Variants in TC2N observed in about 807,000 individuals in gnomAD.
The protein encoded by TC2N is tandem C2 domains, nuclear, also known as tandem C2 domains nuclear protein.
In TC2N, 51 loss-of-function variants were observed where a neutral mutation model predicts 61.9. The ratio of observed to expected loss-of-function variants is 0.82; its 90% confidence interval spans 0.66 to 1.04. TC2N has a LOEUF of 1.04. Ranked by LOEUF, TC2N falls within the 50% of genes least tolerant of loss-of-function variation. The probability of loss-of-function intolerance (pLI) is 0.00; values close to 1 mark genes in which losing one functional copy is unlikely to be tolerated. For missense variants in TC2N, 556 were observed against 566.7 expected, an observed-to-expected ratio of 0.98 and a Z score of 0.19; for synonymous variants, 204 against 192.6, an observed-to-expected ratio of 1.06 and a Z score of -0.49.
At chr14:91,844,861 T>C (rs1322631939) in intron 1 of TC2N, among the ~76,000 whole-genome samples, 2 of 148,908 alleles carry the variant, frequency 1.3e-5, no homozygotes, top group Non-Finnish European at 1.5e-5. Context: ...TACATCAACA[T>C]ACTTGGGGAT....
At chr14:91,831,774 A>T (rs1479317105) in intron 1 of TC2N, among the ~76,000 whole-genome samples, 1 of 152,212 alleles carries the variant, frequency 6.6e-6, no homozygotes. Flanking sequence ...TCTTTTTTAG[A>T]GTAGTTTTAG....
chr14:91,829,021 A>G (rs756220649), intron 1 of TC2N, among the ~76,000 whole-genome samples: 47 of 152,016 alleles, frequency 3.1e-4, no homozygotes, highest in Non-Finnish European at 6.6e-4. Flanking sequence ...GTTATAAAGA[A>G]GGCAGCTGCT....
At chr14:91,802,129 A>G in intron 4 of TC2N, 125 bp downstream of exon 4, 1 of 785,164 alleles carries the variant, frequency 1.3e-6, no homozygotes, top group Non-Finnish European at 1.8e-6. Context: ...CACATTTATG[A>G]AGCTTGTTTT....
intron 1 of TC2N, among the ~76,000 whole-genome samples, chr14:91,852,574 C>T (rs1396635079): frequency 6.6e-6 from 1 of 152,192 alleles, no homozygotes; most frequent in East Asian, 1.9e-4. Flanking sequence ...CAATAGATCA[C>T]TAACTGGTTG....
At chr14:91,836,647 TGGAGTGGCGCAGAAGGGCTGGGCGC>T (rs1255225070) in intron 1 of TC2N, 1 of 28,806 alleles carries the variant, frequency 3.5e-5, no homozygotes, top group Non-Finnish European at 8.7e-5. Flanking sequence ...GGGCGGGGAG[TGGAGTGGCGCAGAAGGGCTGGGCGC>T]GGAGGGGCGG....
At chr14:91,793,884 T>G (rs1358893885) in intron 8 of TC2N, among the ~76,000 whole-genome samples, 1 of 152,082 alleles carries the variant, frequency 6.6e-6, no homozygotes. Flanking sequence ...TGACTAAGCT[T>G]AGTGAGGAAG....
At chr14:91,785,141 A>T (rs1235307633) in intron 11 of TC2N, 21 bp downstream of exon 11, 4 of 1,557,034 alleles carry the variant, frequency 2.6e-6, no homozygotes, top group Non-Finnish European at 3.5e-6. Flanking sequence ...AATATAAGGA[A>T]GGATAAAAAC....
At chr14:91,824,534 T>C (rs1887405846) in intron 1 of TC2N, among the ~76,000 whole-genome samples, 1 of 152,186 alleles carries the variant, frequency 6.6e-6, no homozygotes, top group African/African-American at 2.4e-5. Context: ...TCTTGAGTCC[T>C]TCTGCTCCCA....
chr14:91,806,599 T>A (rs1886516964), intron 3 of TC2N, among the ~76,000 whole-genome samples: 1 of 152,140 alleles, frequency 6.6e-6, no homozygotes, highest in South Asian at 2.1e-4. Context: ...ACTTTGAACT[T>A]GAGGGAGATG....
At chr14:91,799,638 T>C (rs1456689288) in intron 5 of TC2N, among the ~76,000 whole-genome samples, 1 of 152,102 alleles carries the variant, frequency 6.6e-6, no homozygotes, top group Non-Finnish European at 1.5e-5. Flanking sequence ...ACTTGAGGAT[T>C]AAGGATTATC....
intron 8 of TC2N, among the ~76,000 whole-genome samples, chr14:91,793,125 T>C (rs1261177673): frequency 2.0e-5 from 3 of 152,200 alleles, no homozygotes; most frequent in Non-Finnish European, 4.4e-5. Flanking sequence ...AAGGAAAATA[T>C]GAATTTAAAA....
At chr14:91,787,444 A>T in intron 10 of TC2N, 69 bp downstream of exon 10, 1 of 834,148 alleles carries the variant, frequency 1.2e-6, no homozygotes, top group Non-Finnish European at 1.9e-6. Flanking sequence ...ATTGTAAGAA[A>T]TGTAAAAAAA....
At chr14:91,785,947 T>C (rs1885344336) in intron 10 of TC2N, among the ~76,000 whole-genome samples, 1 of 152,076 alleles carries the variant, frequency 6.6e-6, no homozygotes, top group Non-Finnish European at 1.5e-5. Context: ...GGAACTTCAC[T>C]GGGTAAAATT....
chr14:91,818,036 A>G (rs1887080559), intron 1 of TC2N, among the ~76,000 whole-genome samples: 1 of 152,150 alleles, frequency 6.6e-6, no homozygotes, highest in African/African-American at 2.4e-5. Flanking sequence ...GAGAAATAGG[A>G]ACTAAATGAG....
At chr14:91,808,366 C>T (rs963938208) in intron 3 of TC2N, among the ~76,000 whole-genome samples, 1 of 152,186 alleles carries the variant, frequency 6.6e-6, no homozygotes, top group African/African-American at 2.4e-5. Flanking sequence ...TGCCTCTACA[C>T]TGTCCATGCA....
At chr14:91,791,384 G>T (rs546793076) in intron 9 of TC2N, among the ~76,000 whole-genome samples, 5 of 152,072 alleles carry the variant, frequency 3.3e-5, no homozygotes, top group Non-Finnish European at 7.4e-5. Context: ...TTGGAAACAG[G>T]TAAAATATAA....
intron 1 of TC2N, among the ~76,000 whole-genome samples, chr14:91,838,502 T>C (rs1334663215): frequency 1.3e-5 from 2 of 152,208 alleles, no homozygotes; most frequent in Admixed American, 6.5e-5. Context: ...ATTCATGTGT[T>C]AGTTGAATCT....
chr14:91,804,314 T>A (rs1309612211), intron 3 of TC2N, among the ~76,000 whole-genome samples: 1 of 152,234 alleles, frequency 6.6e-6, no homozygotes, highest in East Asian at 1.9e-4. Context: ...ATTTATATTC[T>A]ATGACCCAAC....
chr14:91,857,347 C>T (rs910861674), intron 1 of TC2N, among the ~76,000 whole-genome samples: 2 of 152,084 alleles, frequency 1.3e-5, no homozygotes, highest in Non-Finnish European at 2.9e-5. Context: ...TGAAATGCAA[C>T]GAGAGGAAAG....
Sources: gnomAD v4.1 joint callset for allele counts (sites outside exome capture counted in the v4.1 genomes callset) on GRCh38, gnomAD v4.1.1 for gene constraint, MANE v1.5 for transcripts, NCBI Gene and HGNC (gene_info 2026-07-23, HGNC 2026-07-21) for gene names.